Variants in KLHL14 observed in about 807,000 individuals in gnomAD.
KLHL14 encodes the protein kelch-like protein 14.
Under a neutral mutation model 64.3 loss-of-function variants are expected in KLHL14, and 22 were observed. The ratio of observed to expected loss-of-function variants is 0.34; its 90% CI spans 0.24 to 0.49. KLHL14 has a LOEUF of 0.49. KLHL14 is among the 20% of genes least tolerant of loss of function. The probability of loss-of-function intolerance (pLI) is 0.99; values close to 1 mark genes in which losing one functional copy is unlikely to be tolerated. For synonymous variants in KLHL14, 322 were observed against 333.4 expected, an observed-to-expected ratio of 0.97 and a Z score of 0.37; for missense variants, 661 against 789.0, an observed-to-expected ratio of 0.84 and a Z score of 1.94.
chr18:32,680,632 G>C lies in KLHL14; in HGVS notation c.1239-33C>G. ...GAAAAGAACCCACAGTAAATCACAA[G>C]AGGAGCTGTGAAATGTTACCTTTCG... On this transcript the variant is annotated intron_variant, in intron 5 of 8. Coordinates refer to ENST00000359358, the MANE Select transcript of KLHL14 (RefSeq NM_020805.3). This position sits in a 1 kb window ranked among gnomAD's most constrained non-coding sequence, Gnocchi z 4.8. 6.4e-7 allele frequency: 1 copy of C among 1,559,282 alleles called. No homozygotes were observed. Among genetic ancestry groups the C allele is most frequent in the African/African-American group, 1.4e-5 (1 of 73,544 alleles).
At chr18:32,738,903 C>T (rs1472464027) in intron 3 of KLHL14, among the ~76,000 whole-genome samples, 2 of 152,090 alleles carry the variant, frequency 1.3e-5, no homozygotes, top group Admixed American at 1.3e-4. Context: ...AGAAAACTAG[C>T]CTTCCTCTTA....
At chr18:32,756,096 A>C (rs1232936506) in intron 2 of KLHL14, among the ~76,000 whole-genome samples, 1 of 152,176 alleles carries the variant, frequency 6.6e-6, no homozygotes, top group Non-Finnish European at 1.5e-5. Context: ...CAAAGTGACT[A>C]CATTTGGAGA....
intron 3 of KLHL14, among the ~76,000 whole-genome samples, chr18:32,707,560 T>C (rs2049996591): frequency 6.6e-6 from 1 of 152,254 alleles, no homozygotes. Flanking sequence ...TGATTTATGC[T>C]GAATACTTCC....
intron 2 of KLHL14, chr18:32,743,053 T>C (rs2050206724): frequency 6.6e-6 from 1 of 152,264 alleles, no homozygotes; most frequent in Non-Finnish European, 1.5e-5. Context: ...AGTAATGGAT[T>C]GAGCACACTT....
In KLHL14 at chr18:32,769,645, C is replaced by T. The variant is rs751918480; in HGVS notation, c.947G>A (p.Arg316Lys). ...CGCCCTCCTCTTTGTTGTCTCCTAC[C>T]TGCTGGCCAGGCTCTGCCTGCAGTG... ...RQHCRQSLAS[R>K]IRSNKKMLLL... Residue 316 changes from arginine (R) to lysine (K), a missense_variant and splice_region_variant, in exon 2 of 9, where the codon AGA (arginine) becomes AAA (lysine). Transcript: ENST00000359358. 1.2e-5 allele frequency: 17 copies of T among 1,431,976 alleles called. No homozygotes were observed. Among genetic ancestry groups the T allele is most frequent in the Non-Finnish European group, 1.9e-6 (2 of 1,080,402 alleles). 88.7% of individuals were successfully genotyped at this position (1,431,976 alleles called of 1,614,324 possible).
chr18:32,748,070 T>A (rs908835668), intron 2 of KLHL14, among the ~76,000 whole-genome samples: 6 of 152,206 alleles, frequency 3.9e-5, no homozygotes, highest in Non-Finnish European at 7.3e-5. Flanking sequence ...TCCACCCTAG[T>A]GGGGACATCT....
chr18:32,764,840 A>G (rs576557085), intron 2 of KLHL14, among the ~76,000 whole-genome samples: 32 of 152,302 alleles, frequency 2.1e-4, no homozygotes, highest in African/African-American at 7.7e-4. Flanking sequence ...TGCTTTTTAT[A>G]GAAAAAAATT....
At chr18:32,697,024 TG>T (rs1396285748) in intron 3 of KLHL14, among the ~76,000 whole-genome samples, 1 of 152,206 alleles carries the variant, frequency 6.6e-6, no homozygotes, top group Non-Finnish European at 1.5e-5. Flanking sequence ...ACCTCCAATC[TG>T]GGGCATAATG....
chr18:32,711,037 C>T (rs182504494), intron 3 of KLHL14, among the ~76,000 whole-genome samples: 8 of 152,258 alleles, frequency 5.3e-5, no homozygotes, highest in Admixed American at 2.6e-4. Context: ...ACTGTGTGAA[C>T]AGCAAATAGG....
chr18:32,724,449 T>C (rs12968480), intron 3 of KLHL14, among the ~76,000 whole-genome samples: 56,874 of 152,002 alleles, frequency 0.37, 12,772 homozygotes, highest in African/African-American at 0.64. Flanking sequence ...TACTCTTATC[T>C]TTAAAATCAT....
chr18:32,679,483 C>T (rs751685705), intron 7 of KLHL14, among the ~76,000 whole-genome samples: 5 of 151,942 alleles, frequency 3.3e-5, no homozygotes, highest in African/African-American at 7.3e-5. Flanking sequence ...ATAATGTTCT[C>T]GATATCATAG....
At chr18:32,749,723 T>C (rs2050241904) in intron 2 of KLHL14, among the ~76,000 whole-genome samples, 1 of 152,160 alleles carries the variant, frequency 6.6e-6, no homozygotes, top group Admixed American at 6.5e-5. Context: ...AAACTTATGA[T>C]AGCTTAGTAT....
In KLHL14 at chr18:32,770,888, G is replaced by T. The variant is rs1019205858; in HGVS notation, c.-43-254C>A. On this transcript the variant is annotated intron_variant, in intron 1 of 8. Coordinates refer to ENST00000359358, the MANE Select transcript of KLHL14 (RefSeq NM_020805.3). This position sits in a 1 kb window ranked among gnomAD's most constrained non-coding sequence, Gnocchi z 6.7. ...GGTTCTGCGCCCTGCGGCTCCTCTC[G>T]CCACCTCCCACACACTTCGTCCCTC... 6 of 468,998 alleles carry T rather than the reference G, an allele frequency of 1.3e-5. No individual in the cohort carries two copies. The highest frequency in any genetic ancestry group is 1.9e-5 in the Non-Finnish European group (5 of 256,634). 29.1% of individuals were successfully genotyped at this position (468,998 alleles called of 1,614,324 possible).
At chr18:32,755,981 A>G (rs2050279595) in intron 2 of KLHL14, among the ~76,000 whole-genome samples, 1 of 152,152 alleles carries the variant, frequency 6.6e-6, no homozygotes, top group Admixed American at 6.5e-5. Flanking sequence ...TTGAAAAGCA[A>G]TATTTCAGTT....
At chr18:32,694,131 T>G (rs2049925868) in intron 4 of KLHL14, among the ~76,000 whole-genome samples, 1 of 152,214 alleles carries the variant, frequency 6.6e-6, no homozygotes, top group Non-Finnish European at 1.5e-5. Context: ...CAGAGGTCTA[T>G]TCTACCTGCA....
At chr18:32,699,546 A>T (rs1487328062) in intron 3 of KLHL14, among the ~76,000 whole-genome samples, 2 of 152,050 alleles carry the variant, frequency 1.3e-5, no homozygotes, top group Non-Finnish European at 1.5e-5. Flanking sequence ...TGAAGGTCAG[A>T]CTCAGGTACC....
chr18:32,715,237 C>A (rs2050039308), intron 3 of KLHL14, among the ~76,000 whole-genome samples: 1 of 152,048 alleles, frequency 6.6e-6, no homozygotes, highest in African/African-American at 2.4e-5. Flanking sequence ...TTTAGCTCTG[C>A]CCTTTAGTCT....
chr18:32,767,241 G>C (rs1159562138), intron 2 of KLHL14, among the ~76,000 whole-genome samples: 1 of 152,124 alleles, frequency 6.6e-6, no homozygotes, highest in African/African-American at 2.4e-5. Context: ...ATTTAATATT[G>C]TTGGTTGCAA....
intron 1 of KLHL14, chr18:32,772,271 T>TTACCATCCCGTTCCAGGTGGACCC (rs1217845396): frequency 1.0e-5 from 4 of 390,316 alleles, no homozygotes; most frequent in African/African-American, 4.2e-5. Context: ...TCGACTCACT[T>TTACCATCCCGTTCCAGGTGGACCC]TACCATCCCG....
Sources: gnomAD v4.1 joint callset for allele counts (sites outside exome capture counted in the v4.1 genomes callset) on GRCh38, gnomAD v4.1.1 for gene constraint, Gnocchi (gnomAD v3.1) non-coding constraint, MANE v1.5 for transcripts, NCBI Gene and HGNC (gene_info 2026-07-23, HGNC 2026-07-21) for gene names.